The following MGST1 variants were observed in gnomAD, a reference collection of about 807,000 sequenced individuals.
MGST1 encodes microsomal glutathione S-transferase 1.
In MGST1, 5 loss-of-function variants were observed where a neutral mutation model predicts 8.9. The ratio of observed to expected loss-of-function variants is 0.56; its 90% CI spans 0.29 to 1.19. The LOEUF (loss-of-function observed/expected upper bound fraction) is 1.19. Ranked by LOEUF, MGST1 falls within the 50% of genes most tolerant of loss-of-function variation. The probability of loss-of-function intolerance (pLI) is 0.08; values close to 1 mark genes in which losing one functional copy is unlikely to be tolerated. For synonymous variants in MGST1, 54 were observed against 67.8 expected, an observed-to-expected ratio of 0.80 and a Z score of 1.00; for missense variants, 182 against 187.4, an observed-to-expected ratio of 0.97 and a Z score of 0.17.
chr12:16,553,261 G>T (rs1361395674), intron 4 of MGST1, among the ~76,000 whole-genome samples: 1 of 152,056 alleles, frequency 6.6e-6, no homozygotes, highest in African/African-American at 2.4e-5. Flanking sequence ...AACGTTTATA[G>T]TAAAGGAAGA....
At chr12:16,385,672 G>T (rs931486973) in intron 1 of MGST1, among the ~76,000 whole-genome samples, 6 of 149,518 alleles carry the variant, frequency 4.0e-5, no homozygotes, top group African/African-American at 9.9e-5. Context: ...GGAGAAGCCC[G>T]TCTCTTTTCA....
At chr12:16,408,311 A>G (rs57107539) in intron 1 of MGST1, among the ~76,000 whole-genome samples, 12,038 of 152,152 alleles carry the variant, frequency 0.079, 582 homozygotes, top group East Asian at 0.22. Context: ...AATCTGTGCA[A>G]CAAATTCCCA....
intron 4 of MGST1, among the ~76,000 whole-genome samples, chr12:16,566,030 ATATATAT>A: frequency 1.2e-5 from 1 of 82,120 alleles, no homozygotes; most frequent in Admixed American, 1.2e-4. Context: ...ATATATATAT[ATATATAT>A]ATAAAATGGA....
At chr12:16,437,680 G>A (rs1941000476) in exon 2 of MGST1, 1 of 151,948 alleles carries the variant, frequency 6.6e-6, no homozygotes, top group African/African-American at 2.4e-5. Flanking sequence ...AAAAGAAAAT[G>A]AAGACATCCT....
intron 4 of MGST1, among the ~76,000 whole-genome samples, chr12:16,473,365 G>A (rs1485172823): frequency 6.6e-6 from 1 of 152,308 alleles, no homozygotes; most frequent in East Asian, 1.9e-4. Context: ...ATAGGGCTGA[G>A]ATTAAGTAAT....
intron 1 of MGST1, among the ~76,000 whole-genome samples, chr12:16,385,672 G>A (rs931486973): frequency 6.7e-6 from 1 of 149,570 alleles, no homozygotes; most frequent in Non-Finnish European, 1.5e-5. Flanking sequence ...GGAGAAGCCC[G>A]TCTCTTTTCA....
chr12:16,383,799 A>C (rs890273111), intron 1 of MGST1, among the ~76,000 whole-genome samples: 1 of 152,236 alleles, frequency 6.6e-6, no homozygotes, highest in Non-Finnish European at 1.5e-5. Context: ...AGATGTTGCC[A>C]TGTGGGGACA....
In MGST1 at chr12:16,579,155, C is replaced by G. The variant is rs1943085068; in HGVS notation, n.483-10373C>G. ...TTTTTTGAAGAGAACAACATGTTTT[C>G]TCTTCTAGCATTAAATTGTATATAT... On this transcript the variant is annotated intron_variant and non_coding_transcript_variant, in intron 4 of 4. Coordinates refer to the MGST1 transcript ENST00000538857. Among the ~76,000 whole-genome samples, 6 of 152,128 alleles carry G rather than the reference C, an allele frequency of 3.9e-5. No homozygotes were observed. In the South Asian group the frequency reaches 1.2e-3, roughly 32 times the overall value.
At chr12:16,450,547 G>A (rs1941120549) in intron 4 of MGST1, among the ~76,000 whole-genome samples, 1 of 151,900 alleles carries the variant, frequency 6.6e-6, no homozygotes, top group African/African-American at 2.4e-5. Context: ...TCTAGGGAGA[G>A]GAGTGAGAAA....
In MGST1 at chr12:16,576,641, C is replaced by T. The variant is rs1179487461; in HGVS notation, n.483-12887C>T. 6.6e-6 allele frequency among the ~76,000 whole-genome samples: 1 copy of T among 152,150 alleles called. No homozygotes were observed. The highest frequency in any genetic ancestry group is 1.5e-5 in the Non-Finnish European group (1 of 68,016). On this transcript the variant is annotated intron_variant and non_coding_transcript_variant, in intron 4 of 4. Transcript: ENST00000538857. This position sits in a 1 kb window ranked among gnomAD's most constrained non-coding sequence, Gnocchi z 4.1. ...AAGCTCCCTGAAAACTTGCCTTCTC[C>T]TTTACTCTGCACCTAACACATGTGA...
rs1330275393 is a variant in MGST1, at chr12:16,565,982, CCATATATATATATA to C, written n.483-23545_483-23532del. Among the ~76,000 whole-genome samples, 8 of 44,320 alleles carry C rather than the reference CCATATATATATATA, an allele frequency of 1.8e-4. No individual in the cohort carries two copies. The East Asian group carries it at 6.8e-3, about 38-fold the overall frequency. 29.1% of individuals were successfully genotyped at this position (44,320 alleles called of 152,430 possible). On this transcript the variant is annotated intron_variant and non_coding_transcript_variant, in intron 4 of 4. Transcript: ENST00000538857. ...TGGATGAATGGATGAAGAAAATGTG[CCATATATATATATA>C]TATATATATATATATATATATATAT...
chr12:16,568,081 A>T (rs1942680047), intron 4 of MGST1, among the ~76,000 whole-genome samples: 1 of 152,210 alleles, frequency 6.6e-6, no homozygotes, highest in Non-Finnish European at 1.5e-5. Context: ...ATAGAAAATA[A>T]AAAGGAATAC....
chr12:16,509,250 C>T (rs922804512), intron 4 of MGST1, among the ~76,000 whole-genome samples: 17 of 152,034 alleles, frequency 1.1e-4, no homozygotes, highest in Admixed American at 1.0e-3. Context: ...ATGACCCTGC[C>T]TCCCCCTTCC....
intron 1 of MGST1, among the ~76,000 whole-genome samples, chr12:16,416,710 A>T (rs1032215892): frequency 6.6e-6 from 1 of 152,172 alleles, no homozygotes; most frequent in Non-Finnish European, 1.5e-5. Flanking sequence ...GAACACAAAC[A>T]TGTAATCCAT....
chr12:16,412,889 A>G (rs1327564219), intron 1 of MGST1, among the ~76,000 whole-genome samples: 2 of 152,218 alleles, frequency 1.3e-5, no homozygotes, highest in African/African-American at 4.8e-5. Flanking sequence ...CCTCAAAAAC[A>G]GTAATTTTGA....
chr12:16,551,144 C>T (rs1941974972), intron 4 of MGST1: 1 of 937,760 alleles, frequency 1.1e-6, no homozygotes, highest in Non-Finnish European at 1.8e-6. Flanking sequence ...GTTCCTGTGT[C>T]AATTCTTATG....
At chr12:16,428,468 C>T (rs1436523598) in intron 1 of MGST1, among the ~76,000 whole-genome samples, 1 of 150,548 alleles carries the variant, frequency 6.6e-6, no homozygotes, top group East Asian at 1.9e-4. Context: ...TTGAACATTT[C>T]TATTGTTTTT....
intron 4 of MGST1, among the ~76,000 whole-genome samples, chr12:16,529,440 T>C (rs978119553): frequency 5.3e-5 from 8 of 152,216 alleles, no homozygotes; most frequent in African/African-American, 1.9e-4. Flanking sequence ...ATGATTCTTG[T>C]AGCAGAATTA....
chr12:16,379,869 G>C (rs1328699213), downstream of MGST1, among the ~76,000 whole-genome samples: 1 of 152,186 alleles, frequency 6.6e-6, no homozygotes, highest in African/African-American at 2.4e-5. Context: ...TCCTGGTTTA[G>C]TCTTGGGAGG....
Sources: allele counts gnomAD v4.1 joint callset (sites outside exome capture counted in the v4.1 genomes callset), GRCh38; gene constraint gnomAD v4.1.1; non-coding constraint Gnocchi (gnomAD v3.1); transcripts MANE v1.5; gene names NCBI Gene and HGNC (gene_info 2026-07-23, HGNC 2026-07-21).